Variants in POU2F3 observed in about 807,000 individuals in gnomAD.
POU2F3 encodes the protein POU domain, class 2, transcription factor 3.
A neutral mutation model predicts 59.2 loss-of-function variants in POU2F3; 23 were observed. The ratio of observed to expected loss-of-function variants is 0.39; its 90% CI spans 0.28 to 0.55. POU2F3 has a LOEUF of 0.55. Ranked by LOEUF, POU2F3 falls within the 20% of genes least tolerant of loss-of-function variation. The pLI is 0.66. For missense variants in POU2F3, 473 were observed against 544.5 expected (o/e 0.87, Z 1.31); for synonymous variants, 190 against 214.6 (o/e 0.89, Z 1.00).
At chr11:120,241,056 C>G (rs1205485949) in intron 1 of POU2F3, among the ~76,000 whole-genome samples, 1 of 152,172 alleles carries the variant, frequency 6.6e-6, no homozygotes, top group Non-Finnish European at 1.5e-5. Context: ...GGAACCCAGC[C>G]CCTCCATTCA....
At chr11:120,244,166 C>A (rs1938778935) in intron 1 of POU2F3, among the ~76,000 whole-genome samples, 1 of 152,220 alleles carries the variant, frequency 6.6e-6, no homozygotes, top group Non-Finnish European at 1.5e-5. Context: ...TCCTCATGAA[C>A]ACTTTTTCTG....
intron 3 of POU2F3, among the ~76,000 whole-genome samples, chr11:120,290,102 C>G (rs950076358): frequency 1.3e-5 from 2 of 152,206 alleles, no homozygotes; most frequent in African/African-American, 4.8e-5. Context: ...AGACCTCGGG[C>G]TGCCTCACTT....
chr11:120,267,094 C>G (rs1653347306), intron 2 of POU2F3, among the ~76,000 whole-genome samples: 1 of 151,844 alleles, frequency 6.6e-6, no homozygotes, highest in South Asian at 2.1e-4. Context: ...GCTATTGCGG[C>G]TGTGGGTCCT....
At chr11:120,254,413 T>A (rs998950318) in intron 2 of POU2F3, among the ~76,000 whole-genome samples, 2 of 152,102 alleles carry the variant, frequency 1.3e-5, no homozygotes, top group African/African-American at 2.4e-5. Flanking sequence ...ATTGGGTGCT[T>A]GAGGAAGTTT....
chr11:120,305,451 C>T (rs1941460621), intron 7 of POU2F3, 193 bp from the exon 8 acceptor site: 1 of 988,802 alleles, frequency 1.0e-6, no homozygotes, highest in Non-Finnish European at 1.5e-6. Flanking sequence ...GGGCGTGGTC[C>T]ACTGAGAGTC....
upstream of POU2F3, among the ~76,000 whole-genome samples, chr11:120,236,984 T>C (rs772203073): frequency 6.6e-6 from 1 of 152,178 alleles, no homozygotes; most frequent in Non-Finnish European, 1.5e-5. Flanking sequence ...GGTTCAATGA[T>C]ATCTAGGTTC....
chr11:120,243,180 C>T (rs920019424), intron 1 of POU2F3, among the ~76,000 whole-genome samples: 9 of 152,148 alleles, frequency 5.9e-5, no homozygotes, highest in African/African-American at 2.2e-4. Flanking sequence ...AGAAGTGGGG[C>T]CGGTGGGTCC....
At position 120,267,466 on chromosome 11, in the gene POU2F3, A is replaced by G. The variant is rs141553815; in HGVS notation, c.98-1744A>G. Among the ~76,000 whole-genome samples the G allele has an allele frequency of 4.2e-3, 641 of 152,192 alleles. 4 individuals are homozygous for G. Among genetic ancestry groups the G allele is most frequent in the Non-Finnish European group, 7.8e-3 (532 of 68,012 alleles). On this transcript the variant is annotated intron_variant, in intron 2 of 12. Transcript: ENST00000543440. ...CTGATCTCAAAACCAGGCTTTGCTC[A>G]GAGATCATTTTGCATCTCACCTCTC...
chr11:120,307,449 A>G (rs1385274451), intron 8 of POU2F3, 30 bp from the exon 9 acceptor site: 1 of 1,611,482 alleles, frequency 6.2e-7, no homozygotes. Context: ...CCCTTCTCTG[A>G]GCTTCCTCTG....
chr11:120,277,124 C>T (rs1422650706), intron 3 of POU2F3, among the ~76,000 whole-genome samples: 1 of 151,598 alleles, frequency 6.6e-6, no homozygotes, highest in Admixed American at 6.6e-5. Context: ...AAATTAGCTA[C>T]TAAAAATCCA....
At chr11:120,275,608 T>C (rs1026516103) in intron 3 of POU2F3, among the ~76,000 whole-genome samples, 9 of 152,132 alleles carry the variant, frequency 5.9e-5, no homozygotes, top group Admixed American at 1.3e-4. Flanking sequence ...CTGTTGAGCA[T>C]TGTGTTGCTT....
chr11:120,304,980 T>C, intron 6 of POU2F3, 50 bp from the exon 7 acceptor site: 4 of 821,648 alleles, frequency 4.9e-6, no homozygotes, highest in Non-Finnish European at 7.1e-6. Context: ...AATCAGAAAA[T>C]GTTATTTATT....
chr11:120,290,298 T>G (rs1335635091), intron 3 of POU2F3, among the ~76,000 whole-genome samples: 1 of 152,222 alleles, frequency 6.6e-6, no homozygotes, highest in East Asian at 1.9e-4. Flanking sequence ...TGTTGAAAAC[T>G]TCACTCTCAG....
Position 120,269,190 on chromosome 11 carries a change from T to C in POU2F3, c.98-20T>C, listed in dbSNP as rs375854069. 2 of 1,560,580 alleles carry C rather than the reference T, an allele frequency of 1.3e-6. No homozygotes were observed. On this transcript the variant is annotated intron_variant, in intron 2 of 12. Transcript: ENST00000543440. Reference sequence around the variant, plus strand: ...CAAACCTGCTACCAACTAATATACATATATTTTTATCTTTTCTAGGAAATG... The same window carrying C: ...CAAACCTGCTACCAACTAATATACACATATTTTTATCTTTTCTAGGAAATG...
chr11:120,266,746 G>A (rs893286160), intron 2 of POU2F3, among the ~76,000 whole-genome samples: 9 of 152,108 alleles, frequency 5.9e-5, no homozygotes, highest in Non-Finnish European at 1.0e-4. Flanking sequence ...ACTCTCTACC[G>A]CCTTACAGTG....
At position 120,317,252 on chromosome 11, in the gene POU2F3, A is replaced by G. The variant is rs1053129671; in HGVS notation, c.1159A>G (p.Asn387Asp). 3 of 1,613,948 alleles carry G rather than the reference A, an allele frequency of 1.9e-6. No homozygotes were observed. Among genetic ancestry groups the G allele is most frequent in the Non-Finnish European group, 2.5e-6 (3 of 1,179,986 alleles). Reference sequence around the variant, plus strand: ...AGTAACGTCATCCTGTTCCCCTGGGAACAACAGCAGGCCTTCATCTCCTGG... The same window carrying G: ...AGTAACGTCATCCTGTTCCCCTGGGGACAACAGCAGGCCTTCATCTCCTGG... ...GTVTSSCSPGNNSRPSSPGSG... is the reference protein window; with the variant it reads ...GTVTSSCSPGDNSRPSSPGSG... Residue 387 changes from asparagine to aspartate, a missense_variant, in exon 12 of 13, where the codon AAC becomes GAC. Physicochemically the swap from Asn to Asp is conservative, Grantham distance 23. Transcript: ENST00000543440.
At chr11:120,237,966 G>T (rs1938541352), upstream of POU2F3, among the ~76,000 whole-genome samples, 1 of 152,124 alleles carries the variant, frequency 6.6e-6, no homozygotes, top group South Asian at 2.1e-4. Context: ...AAGTGCAGGG[G>T]ACGGTGGCTC....
Position 120,298,141 on chromosome 11 carries a change from C to T in POU2F3, c.133-124C>T. On this transcript the variant is annotated intron_variant, in intron 3 of 12. Transcript: ENST00000543440. ...AAAAGTAAGCTGCAGCCCAGTAGGC[C>T]CTGGGCTAGCTCTCTCCTCTCTAGG... 3.2e-6 allele frequency: 4 copies of T among 1,231,084 alleles called. No individual in the cohort carries two copies. In the South Asian group the frequency reaches 4.6e-5, roughly 14 times the overall value. 76.3% of individuals were successfully genotyped at this position (1,231,084 alleles called of 1,614,324 possible).
chr11:120,276,991 T>C (rs1353623214), intron 3 of POU2F3, among the ~76,000 whole-genome samples: 2 of 149,956 alleles, frequency 1.3e-5, no homozygotes, highest in Non-Finnish European at 3.0e-5. Flanking sequence ...CTATAAAAAA[T>C]ACAAAATACA....
Sources: gnomAD v4.1 joint callset for allele counts (sites outside exome capture counted in the v4.1 genomes callset) on GRCh38, gnomAD v4.1.1 for gene constraint, MANE v1.5 for transcripts, NCBI Gene and HGNC (gene_info 2026-07-23, HGNC 2026-07-21) for gene names.